Variants in CERS4 observed in about 807,000 individuals in gnomAD.
CERS4 encodes LAG1 homolog, ceramide synthase 4.
Under a neutral mutation model 51.8 loss-of-function variants are expected in CERS4, and 65 were observed. The ratio of observed to expected loss-of-function variants is 1.26; its 90% CI spans 1.03 to 1.54. CERS4 has a LOEUF of 1.54. Ranked by LOEUF, CERS4 falls within the 40% of genes most tolerant of loss-of-function variation. CERS4 has a pLI of 0.00. For synonymous variants in CERS4, 228 were observed against 208.4 expected, an observed-to-expected ratio of 1.09 and a Z score of -0.81; for missense variants, 563 against 500.4, an observed-to-expected ratio of 1.13 and a Z score of -1.19.
intron 2 of CERS4, among the ~76,000 whole-genome samples, chr19:8,221,375 G>A (rs1967533179): frequency 6.6e-6 from 1 of 152,138 alleles, no homozygotes; most frequent in African/African-American, 2.4e-5. Flanking sequence ...TCGGGAACTG[G>A]TCAAGACTGC....
rs1315566619 is a variant in CERS4, at chr19:8,221,881, T to A, written c.-2+11019T>A. On this transcript the variant is annotated intron_variant, in intron 2 of 11. Coordinates refer to ENST00000251363, the MANE Select transcript of CERS4 (RefSeq NM_024552.3). ...TTATTTATTTTTTTATGTTTTTTTT[T>A]TTTTTTTTTTTTTTTTTTGAGACAG... 6.2e-3 allele frequency among the ~76,000 whole-genome samples: 601 copies of A among 96,540 alleles called. 6 individuals are homozygous for A. The highest frequency in any genetic ancestry group is 0.022 in the African/African-American group (562 of 25,112). The allele number at this position is 96,540 out of a possible 152,430, so 63.3% of individuals were successfully genotyped here.
In CERS4 at chr19:8,257,251, C is replaced by T. The variant is rs555244131; in HGVS notation, c.741+174C>T. ...TGTCTTCCAGGCTGATAAGGCCCCA[C>T]CCCCTCTGTCTTCCTGGGTGATGAA... On this transcript the variant is annotated intron_variant, in intron 9 of 11. Transcript: ENST00000251363. 8.9e-6 allele frequency: 6 copies of T among 674,036 alleles called. No homozygotes were observed. In the African/African-American group the frequency reaches 9.3e-5, roughly 10 times the overall value. The allele number at this position is 674,036 out of a possible 1,614,324, so 41.8% of individuals were successfully genotyped here.
chr19:8,217,101 C>T (rs1555770892), intron 2 of CERS4, among the ~76,000 whole-genome samples: 1 of 152,074 alleles, frequency 6.6e-6, no homozygotes, highest in Non-Finnish European at 1.5e-5. Context: ...GACTTTCCCA[C>T]CCACTCCTAG....
intron 2 of CERS4, chr19:8,240,584 A>ATGTGTGTGTGTGTGTGTGTGTGTGTGTG (rs1568518857): frequency 1.3e-4 from 5 of 37,664 alleles, no homozygotes; most frequent in Non-Finnish European, 2.6e-4. Flanking sequence ...CAATGTATGC[A>ATGTGTGTGTGTGTGTGTGTGTGTGTGTG]AGTGTGTGTG....
intron 2 of CERS4, among the ~76,000 whole-genome samples, chr19:8,243,194 TAAAAAAA>T (rs56754017): frequency 1.7e-5 from 1 of 59,866 alleles, no homozygotes; most frequent in Non-Finnish European, 3.0e-5. Flanking sequence ...ACCCTGTCTC[TAAAAAAA>T]AAAAAAAAAA....
At chr19:8,236,636 G>A (rs1158489469) in intron 2 of CERS4, among the ~76,000 whole-genome samples, 11 of 141,466 alleles carry the variant, frequency 7.8e-5, no homozygotes, top group Non-Finnish European at 1.3e-4. Flanking sequence ...CCGTGATCTC[G>A]CCACGGCACT....
At chr19:8,215,876 GGGAGGT>G (rs1448462678) in intron 2 of CERS4, among the ~76,000 whole-genome samples, 4 of 152,324 alleles carry the variant, frequency 2.6e-5, no homozygotes, top group Middle Eastern at 3.4e-3. Context: ...CAGGACGGGA[GGGAGGT>G]GGTCCTCTGG....
At chr19:8,253,026 GATA>G (rs962795169) in intron 3 of CERS4, among the ~76,000 whole-genome samples, 1 of 152,226 alleles carries the variant, frequency 6.6e-6, no homozygotes, top group Non-Finnish European at 1.5e-5. Context: ...ATGCTTAGCA[GATA>G]ATAAGCGCTC....
rs796628718 is a variant in CERS4, at chr19:8,235,465, G to T, written c.-1-15611G>T. Among the ~76,000 whole-genome samples the T allele has an allele frequency of 3.3e-4, 50 of 151,614 alleles. 1 individual carries two copies. The highest frequency in any genetic ancestry group is 1.1e-3 in the African/African-American group (47 of 41,360). On this transcript the variant is annotated intron_variant, in intron 2 of 11. Coordinates refer to ENST00000251363, the MANE Select transcript of CERS4 (RefSeq NM_024552.3). ...TTTTAAAACTTCTAGTTCAGGCCGG[G>T]CATGGTGGCTAATGCCTATAATCCC...
At chr19:8,223,293 G>C (rs1239660635) in intron 2 of CERS4, among the ~76,000 whole-genome samples, 1 of 151,678 alleles carries the variant, frequency 6.6e-6, no homozygotes, top group African/African-American at 2.4e-5. Flanking sequence ...AACATAGTGA[G>C]ACCTGGTCTC....
intron 3 of CERS4, 32 bp downstream of exon 3, chr19:8,251,281 CCCG>C: frequency 6.5e-7 from 1 of 1,544,704 alleles, no homozygotes; most frequent in Non-Finnish European, 8.7e-7. Flanking sequence ...ATCCATTGCC[CCCG>C]CAGTCGCTCC....
rs146871144 is a variant in CERS4, at chr19:8,246,663, C to T, written c.-1-4413C>T. On this transcript the variant is annotated intron_variant, in intron 2 of 11. Transcript: ENST00000251363. ...ATCTGTGTGCTGACATGTGTAGGGG[C>T]GATGTGGCCTGAGGTCAGCTGCCTA... Among the ~76,000 whole-genome samples the T allele has an allele frequency of 3.4e-4, 52 of 151,952 alleles. No homozygotes were observed. In the East Asian group the frequency reaches 8.4e-3, roughly 24 times the overall value.
chr19:8,262,148 G>C lies in CERS4; in HGVS notation c.*39G>C. ...GCTGTAAGGGGTTGCCCCCCCGCCA[G>C]TGCCTTGGATATTTCTGGGGTGACT... On this transcript the variant is annotated 3_prime_UTR_variant, in exon 12 of 12. Transcript: ENST00000251363. The C allele has an allele frequency of 1.4e-6, 2 of 1,430,370 alleles. No individual in the cohort carries two copies. Among genetic ancestry groups the C allele is most frequent in the South Asian group, 1.5e-5 (1 of 65,504 alleles). The allele number at this position is 1,430,370 out of a possible 1,614,324, so 88.6% of individuals were successfully genotyped here. A position where few individuals can be genotyped will look rare whatever the true frequency, so the allele number is the denominator to read the frequency against.
chr19:8,220,732 A>G (rs1489703744), intron 2 of CERS4, among the ~76,000 whole-genome samples: 1 of 151,862 alleles, frequency 6.6e-6, no homozygotes, highest in African/African-American at 2.4e-5. Context: ...TGCCAGGAGA[A>G]CTCCCAGAAT....
intron 2 of CERS4, among the ~76,000 whole-genome samples, chr19:8,217,537 GT>G (rs567486585): frequency 2.0e-3 from 274 of 134,502 alleles, no homozygotes; most frequent in South Asian, 0.019. Context: ...CCTGGCTAAT[GT>G]TTTTTTTTTT....
intron 2 of CERS4, among the ~76,000 whole-genome samples, chr19:8,229,507 A>C (rs1237279458): frequency 6.6e-6 from 1 of 152,056 alleles, no homozygotes; most frequent in Non-Finnish European, 1.5e-5. Flanking sequence ...TCCTGGGTTC[A>C]AGTGATTCTC....
chr19:8,241,924 C>T (rs1968556279), intron 2 of CERS4, among the ~76,000 whole-genome samples: 1 of 152,116 alleles, frequency 6.6e-6, no homozygotes, highest in Admixed American at 6.6e-5. Context: ...GAACTGGATC[C>T]AAAAGAGAAA....
chr19:8,261,487 G>A lies in CERS4; in HGVS notation c.849-201G>A, dbSNP rs539396217. 1.2e-5 allele frequency: 7 copies of A among 604,068 alleles called. No individual in the cohort carries two copies. The East Asian group carries it at 1.4e-4, about 12-fold the overall frequency. The allele number at this position is 604,068 out of a possible 1,614,324, so 37.4% of individuals were successfully genotyped here. ...ATGAATGGCCAGTCAGGGAGCTCGT[G>A]TGTGTGTTCTGCTCATTTAGTACAA... On this transcript the variant is annotated intron_variant, in intron 10 of 11. Transcript: ENST00000251363.
chr19:8,237,002 CAAA>C (rs781273995), intron 2 of CERS4, among the ~76,000 whole-genome samples: 1,934 of 44,642 alleles, frequency 0.043, 14 homozygotes, highest in African/African-American at 0.14. Context: ...GACTCTGTCT[CAAA>C]AAAAAAAAAA....
Sources: gnomAD v4.1 joint callset for allele counts (sites outside exome capture counted in the v4.1 genomes callset) on GRCh38, gnomAD v4.1.1 for gene constraint, MANE v1.5 for transcripts, NCBI Gene and HGNC (gene_info 2026-07-23, HGNC 2026-07-21) for gene names.